ROCK2: variants seen among roughly 807,000 people sequenced by gnomAD.
ROCK2 encodes Rho associated coiled-coil containing protein kinase 2.
ROCK2 carries 61 observed loss-of-function variants against 195.1 expected under a neutral mutation model. That is an observed-to-expected ratio of 0.31 (90% CI 0.25 to 0.39). The LOEUF (loss-of-function observed/expected upper bound fraction) is 0.39. ROCK2 is among the 10% of genes least tolerant of loss of function. ROCK2 has a pLI of 1.00. For synonymous variants in ROCK2, 504 were observed against 545.5 expected, an observed-to-expected ratio of 0.92 and a Z score of 1.06; for missense variants, 1,109 against 1,637.4, an observed-to-expected ratio of 0.68 and a Z score of 5.57.
intron 20 of ROCK2, among the ~76,000 whole-genome samples, chr2:11,204,425 G>C (rs553188384): frequency 6.6e-6 from 1 of 152,086 alleles, no homozygotes; most frequent in East Asian, 1.9e-4. Context: ...TCTAGATATA[G>C]ATCTTTTTTC....
At chr2:11,339,151 CTTAA>C (rs1407770696) in intron 1 of ROCK2, among the ~76,000 whole-genome samples, 2 of 152,110 alleles carry the variant, frequency 1.3e-5, no homozygotes, top group East Asian at 1.9e-4. Context: ...TTGAACTCTT[CTTAA>C]TTAAATACAT....
At chr2:11,205,592 C>T (rs1445547204) in intron 20 of ROCK2, among the ~76,000 whole-genome samples, 2 of 145,826 alleles carry the variant, frequency 1.4e-5, no homozygotes, top group African/African-American at 2.5e-5. Flanking sequence ...ATTCCCATTG[C>T]ATGTATTTTT....
At chr2:11,302,160 A>C (rs1326424897) in intron 1 of ROCK2, among the ~76,000 whole-genome samples, 1 of 152,136 alleles carries the variant, frequency 6.6e-6, no homozygotes, top group East Asian at 1.9e-4. Context: ...TTTCAGATTC[A>C]CATTATTTCT....
chr2:11,309,371 T>G (rs2148228266), intron 1 of ROCK2, among the ~76,000 whole-genome samples: 1 of 152,256 alleles, frequency 6.6e-6, no homozygotes, highest in Non-Finnish European at 1.5e-5. Flanking sequence ...TCCCACAGAC[T>G]TCGAGGAATG....
intron 5 of ROCK2, among the ~76,000 whole-genome samples, chr2:11,228,471 T>C (rs1438777973): frequency 3.3e-5 from 5 of 152,152 alleles, no homozygotes; most frequent in South Asian, 2.1e-4. Flanking sequence ...TTAGTGTGAA[T>C]AGAAATTTAA....
At chr2:11,229,850 G>A (rs1572274265) in intron 5 of ROCK2, among the ~76,000 whole-genome samples, 1 of 152,074 alleles carries the variant, frequency 6.6e-6, no homozygotes, top group African/African-American at 2.4e-5. Context: ...AATTTTATGT[G>A]TATACTAGGG....
In ROCK2 at chr2:11,214,978, T is replaced by C; in HGVS notation, c.1798A>G (p.Arg600Gly). The C allele has an allele frequency of 1.2e-6, 2 of 1,613,700 alleles. No individual in the cohort carries two copies. The highest frequency in any genetic ancestry group is 2.2e-5 in the South Asian group (2 of 91,068). ...AGGCAGTTTTTATCTTGTAGATCTC[T>C]ATTGTTAGATTCCAGCTGCTGAATC... ...KQIQQLESNN[R>G]DLQDKNCLLE... is the part of the protein sequence containing the mutation. Residue 600 changes from arginine (R) to glycine (G), a missense_variant, in exon 16 of 33, where the codon AGA becomes GGA. Physicochemically the swap from Arg to Gly is moderately radical, Grantham distance 125. This residue lies in a region of ROCK2 where 542 missense variants were observed against 672.0 expected (regional missense o/e 0.81). Transcript: ENST00000315872.
chr2:11,198,753 G>T lies in ROCK2; in HGVS notation c.2932C>A (p.Leu978Ile). The change falls in exon 24 of 33, where the codon CTA becomes ATA. Residue 978 changes from leucine to isoleucine, a missense_variant. Physicochemically the swap from Leu to Ile is conservative, Grantham distance 5 (BLOSUM62 2). Transcript: ENST00000315872. ...IASLEETNRT[L>I]TSDVANLANE... ...GCAAGATTGGCAACATCACTAGTTA[G>T]TGTCCTATTAGTTTCCTCAAGCTAA... The T allele has an allele frequency of 6.2e-7, 1 of 1,603,784 alleles. No homozygotes were observed. The highest frequency in any genetic ancestry group is 8.5e-7 in the Non-Finnish European group (1 of 1,174,814).
At chr2:11,188,881 C>T (rs995364777) in intron 32 of ROCK2, among the ~76,000 whole-genome samples, 28 of 151,928 alleles carry the variant, frequency 1.8e-4, no homozygotes, top group African/African-American at 5.8e-4. Context: ...GCCTCGGCCT[C>T]CCAAAGTGCT....
At chr2:11,294,438 T>C in intron 1 of ROCK2, among the ~76,000 whole-genome samples, 1 of 150,096 alleles carries the variant, frequency 6.7e-6, no homozygotes, top group East Asian at 1.9e-4. Context: ...TTATATGGTG[T>C]TAATTATATG....
intron 1 of ROCK2, among the ~76,000 whole-genome samples, chr2:11,292,214 A>C (rs1340827196): frequency 6.6e-6 from 1 of 152,206 alleles, no homozygotes; most frequent in Non-Finnish European, 1.5e-5. Flanking sequence ...GCATGACCAC[A>C]AATTATGTCT....
At chr2:11,249,830 C>T in intron 3 of ROCK2, 32 bp from the exon 4 acceptor site, 3 of 1,430,412 alleles carry the variant, frequency 2.1e-6, no homozygotes, top group Admixed American at 2.6e-5. Context: ...AAAATTAATA[C>T]TTTCATGTTA....
At chr2:11,227,515 A>C in intron 5 of ROCK2, 117 bp from the exon 6 acceptor site, 1 of 885,024 alleles carries the variant, frequency 1.1e-6, no homozygotes, top group Non-Finnish European at 1.7e-6. Flanking sequence ...AACCAACAGA[A>C]CTTCACTGCT....
chr2:11,247,541 C>CAAT (rs1331251582), intron 4 of ROCK2, among the ~76,000 whole-genome samples: 1 of 152,164 alleles, frequency 6.6e-6, no homozygotes, highest in Non-Finnish European at 1.5e-5. Context: ...TCAATTACTT[C>CAAT]AATAATCAGC....
chr2:11,308,339 G>T lies in ROCK2; in HGVS notation c.142-20603C>A, dbSNP rs1208130695. 3.4e-6 allele frequency: 4 copies of T among 1,179,876 alleles called. No individual in the cohort carries two copies. The African/African-American group carries it at 4.5e-5, about 13-fold the overall frequency. The allele number at this position is 1,179,876 out of a possible 1,614,324, so 73.1% of individuals were successfully genotyped here. A position where few individuals can be genotyped will look rare whatever the true frequency, so the allele number is the denominator to read the frequency against. On this transcript the variant is annotated intron_variant, in intron 1 of 32. Coordinates refer to ENST00000315872, the MANE Select transcript of ROCK2 (RefSeq NM_004850.5). ...AAAGAATATTCTTACATATAATAAA[G>T]AATTCCCATTTGATGTTTAGCCTGT...
Position 11,192,627 on chromosome 2 carries a change from T to G in ROCK2, c.3773A>C (p.His1258Pro). 1.2e-6 allele frequency: 2 copies of G among 1,614,032 alleles called. No individual in the cohort carries two copies. Among genetic ancestry groups the G allele is most frequent in the Non-Finnish European group, 8.5e-7 (1 of 1,179,976 alleles). Residue 1258 changes from histidine (H) to proline (P), a missense_variant, in exon 31 of 33, where the codon CAC (histidine) becomes CCC (proline). By Grantham distance (77) the His-to-Pro change is moderately conservative (BLOSUM62 -2). This residue lies in a region of ROCK2 where 221 missense variants were observed against 355.1 expected (regional missense o/e 0.62). Coordinates refer to ENST00000315872, the MANE Select transcript of ROCK2 (RefSeq NM_004850.5). This position sits in a 1 kb window ranked among gnomAD's most constrained non-coding sequence, Gnocchi z 5.0. ...PVGEKSNYIC[H>P]KGHEFIPTLY... ...AGTAGGAATAAACTCATGTCCCTTG[T>G]GGCAAATATAATTAGATTTTTCTCC... is the stretch of plus-strand genomic sequence containing the variant.
At chr2:11,335,337 C>T (rs891826220) in intron 1 of ROCK2, among the ~76,000 whole-genome samples, 1 of 152,028 alleles carries the variant, frequency 6.6e-6, no homozygotes, top group Non-Finnish European at 1.5e-5. Context: ...AAAAATGACT[C>T]CAATTAAGGA....
chr2:11,257,982 C>T (rs1666093922), intron 3 of ROCK2, among the ~76,000 whole-genome samples: 1 of 151,290 alleles, frequency 6.6e-6, no homozygotes, highest in African/African-American at 2.5e-5. Context: ...AACACATCTA[C>T]CAGATGTTAT....
chr2:11,317,778 A>G (rs1212908156), intron 1 of ROCK2, among the ~76,000 whole-genome samples: 1 of 146,834 alleles, frequency 6.8e-6, no homozygotes, highest in Admixed American at 6.8e-5. Context: ...CCCCAACCCC[A>G]CAACAGGCCC....
Sources: allele counts gnomAD v4.1 joint callset (sites outside exome capture counted in the v4.1 genomes callset), GRCh38; gene constraint gnomAD v4.1.1; regional missense constraint gnomAD v4.1.1; non-coding constraint Gnocchi (gnomAD v3.1); transcripts MANE v1.5; gene names NCBI Gene and HGNC (gene_info 2026-07-23, HGNC 2026-07-21).